FAAH2: variants seen among roughly 807,000 people sequenced by gnomAD.
FAAH2 encodes fatty-acid amide hydrolase 2.
In FAAH2, 60 loss-of-function variants were observed where a neutral mutation model predicts 36.9. That is an observed-to-expected ratio of 1.63 (90% confidence interval 1.32 to 2.02). FAAH2 has a LOEUF of 2.02. Among genes scored for constraint, FAAH2 ranks in the 30% most tolerant of loss-of-function variants. The probability of loss-of-function intolerance (pLI) is 0.00; values close to 1 mark genes in which losing one functional copy is unlikely to be tolerated. For missense variants in FAAH2, 689 were observed against 397.5 expected (o/e 1.73, Z -6.23); for synonymous variants, 214 against 143.8 (o/e 1.49, Z -3.49).
At chrX:57,138,204 TTG>T in the FAAH2 span, among the ~76,000 whole-genome samples, 1 of 111,814 alleles carries the variant, frequency 8.9e-6, no homozygotes, top group Non-Finnish European at 1.9e-5. Flanking sequence ...TTTTTAATTT[TTG>T]TGTGTTTTTT....
At chrX:57,174,964 A>T in the FAAH2 span, among the ~76,000 whole-genome samples, 97 of 111,955 alleles carry the variant, frequency 8.7e-4, no homozygotes, top group African/African-American at 3.1e-3. Flanking sequence ...ATTTTGATTT[A>T]TAAAAATTTA....
chrX:57,296,294 C>T (rs1241985254), intron 2 of FAAH2, among the ~76,000 whole-genome samples: 1 of 111,453 alleles, frequency 9.0e-6, no homozygotes, highest in East Asian at 2.8e-4. Context: ...TGTGGTTCAC[C>T]AATATCTGCT....
At position 57,350,921 on chromosome X, in the gene FAAH2, A is replaced by C. The variant is rs180985288; in HGVS notation, c.742+9531A>C. On this transcript the variant is annotated intron_variant, in intron 5 of 10. Coordinates refer to ENST00000374900, the MANE Select transcript of FAAH2 (RefSeq NM_174912.4). Reference sequence around the variant, plus strand: ...GATTTAATTCTCCACTCACAATATTAGGCAGATTGTCAAGACAAAAATTCA... The same window carrying C: ...GATTTAATTCTCCACTCACAATATTCGGCAGATTGTCAAGACAAAAATTCA... Among the ~76,000 whole-genome samples, 490 of 111,599 alleles carry C rather than the reference A, an allele frequency of 4.4e-3. 1 individual carries two copies. Among genetic ancestry groups the C allele is most frequent in the Non-Finnish European group, 7.9e-3 (414 of 52,724 alleles).
At chrX:57,172,635 A>C in the FAAH2 span, among the ~76,000 whole-genome samples, 1 of 112,065 alleles carries the variant, frequency 8.9e-6, no homozygotes, top group South Asian at 3.7e-4. Flanking sequence ...TTGGAGAATT[A>C]ATACAAGGTT....
intron 4 of FAAH2, among the ~76,000 whole-genome samples, chrX:57,333,368 A>C (rs953892885): frequency 8.9e-6 from 1 of 111,845 alleles, no homozygotes; most frequent in Non-Finnish European, 1.9e-5. Flanking sequence ...CTTTCAACAA[A>C]ACAATTATAA....
At chrX:57,301,466 G>T (rs1457621552) in intron 2 of FAAH2, among the ~76,000 whole-genome samples, 1 of 88,608 alleles carries the variant, frequency 1.1e-5, no homozygotes, top group Non-Finnish European at 2.2e-5. Context: ...CTGTTGTGGG[G>T]TGGGGGGAGG....
chrX:57,155,549 G>A, the FAAH2 span, among the ~76,000 whole-genome samples: 5 of 112,148 alleles, frequency 4.5e-5, no homozygotes, highest in Non-Finnish European at 3.8e-5. Context: ...GCAGTGGGGC[G>A]TGCTGGGCTG....
intron 10 of FAAH2, chrX:57,452,212 CT>C (rs1569355608): frequency 1.3e-6 from 1 of 752,958 alleles, no homozygotes; most frequent in Non-Finnish European, 1.6e-6. Flanking sequence ...AAGATCTCAT[CT>C]GAGAAACCCA....
At position 57,399,648 on chromosome X, in the gene FAAH2, A is replaced by C. The variant is rs2055386063; in HGVS notation, c.996+18619A>C. Among the ~76,000 whole-genome samples the C allele has an allele frequency of 2.7e-5, 3 of 111,483 alleles. 1 individual carries two copies. The Admixed American group carries it at 2.8e-4, about 11-fold the overall frequency. ...CCTTTCTGATGACCCCAGTAGTGTA[A>C]GATTGCCACCTCTTTAGATTTCTGT... On this transcript the variant is annotated intron_variant, in intron 7 of 10. Transcript: ENST00000374900.
At chrX:57,173,175 T>C in the FAAH2 span, among the ~76,000 whole-genome samples, 3 of 112,136 alleles carry the variant, frequency 2.7e-5, no homozygotes, top group Non-Finnish European at 3.8e-5. Flanking sequence ...GGCAGTATGG[T>C]CATTTTCACA....
intron 2 of FAAH2, among the ~76,000 whole-genome samples, chrX:57,295,591 G>A (rs1440699045): frequency 8.9e-6 from 1 of 111,903 alleles, no homozygotes; most frequent in Non-Finnish European, 1.9e-5. Flanking sequence ...TCTCACTGGG[G>A]AGTGCTGGAC....
At chrX:57,420,131 G>T (rs1419027440) in intron 7 of FAAH2, among the ~76,000 whole-genome samples, 2 of 110,145 alleles carry the variant, frequency 1.8e-5, no homozygotes, top group Non-Finnish European at 3.8e-5. Context: ...GCCTTGTAGT[G>T]TAGTTTGAAG....
intron 8 of FAAH2, among the ~76,000 whole-genome samples, chrX:57,446,357 G>A (rs1020965775): frequency 8.9e-6 from 1 of 111,891 alleles, no homozygotes; most frequent in Non-Finnish European, 1.9e-5. Flanking sequence ...CTTGCAAGGA[G>A]GCTGACTGCT....
At chrX:57,275,011 A>T in the FAAH2 span, among the ~76,000 whole-genome samples, 1 of 111,974 alleles carries the variant, frequency 8.9e-6, no homozygotes, top group Admixed American at 9.5e-5. Context: ...AAACCCCATC[A>T]TCTCAGCCCA....
At position 57,448,571 on chromosome X, in the gene FAAH2, CA is replaced by C; in HGVS notation, c.1280del (p.Lys427SerfsTer17). 2.5e-6 allele frequency: 3 copies of C among 1,210,711 alleles called. No individual in the cohort carries two copies. Among genetic ancestry groups the C allele is most frequent in the Non-Finnish European group, 3.4e-6 (3 of 895,178 alleles). ...EKLRYSNEKYQKFKAVEESLR... is the reference protein window; with the variant it reads ...EKLRYSNEKYXKFKAVEESLR... ...GCTCAGATATAGCAATGAGAAATACCAAAAGTTTAAGGCAGTGGAAGAAAGC... is the reference window on the plus strand; with the variant it reads ...GCTCAGATATAGCAATGAGAAATACCAAAGTTTAAGGCAGTGGAAGAAAGC... On this transcript the variant is annotated frameshift_variant, in exon 10 of 11. Coordinates refer to ENST00000374900, the MANE Select transcript of FAAH2 (RefSeq NM_174912.4). LOFTEE classifies it high-confidence loss of function.
At chrX:57,385,052 T>A (rs562948838) in intron 7 of FAAH2, among the ~76,000 whole-genome samples, 1 of 110,229 alleles carries the variant, frequency 9.1e-6, no homozygotes, top group Admixed American at 9.7e-5. Context: ...ATACCGCATG[T>A]TTTCACTCAT....
intron 10 of FAAH2, among the ~76,000 whole-genome samples, chrX:57,462,332 A>G (rs2056974840): frequency 9.0e-6 from 1 of 111,183 alleles, no homozygotes; most frequent in Non-Finnish European, 1.9e-5. Context: ...TCCTGATTCC[A>G]TAACCCGGCA....
the FAAH2 span, among the ~76,000 whole-genome samples, chrX:57,147,990 C>T: frequency 1.1e-4 from 12 of 111,526 alleles, no homozygotes; most frequent in Admixed American, 2.9e-4. Context: ...TAGCCTATTA[C>T]ATAGAATTTT....
At chrX:57,424,979 G>T (rs2056124544) in intron 7 of FAAH2, among the ~76,000 whole-genome samples, 1 of 109,489 alleles carries the variant, frequency 9.1e-6, no homozygotes, top group Non-Finnish European at 1.9e-5. Context: ...GCAATACAAA[G>T]AAATAAAAAA....
Sources: gnomAD v4.1 joint callset for allele counts (sites outside exome capture counted in the v4.1 genomes callset) on GRCh38, gnomAD v4.1.1 for gene constraint, MANE v1.5 for transcripts, NCBI Gene and HGNC (gene_info 2026-07-23, HGNC 2026-07-21) for gene names.